COMMD10: variants seen among roughly 807,000 people sequenced by gnomAD.
The protein encoded by COMMD10 is COMM domain containing 10.
Under a neutral mutation model 28.9 loss-of-function variants are expected in COMMD10, and 33 were observed. That is an observed-to-expected ratio of 1.14 (90% CI 0.87 to 1.53). The LOEUF (loss-of-function observed/expected upper bound fraction) is 1.53, where lower values mean the gene tolerates loss of function less well. COMMD10 is among the 40% of genes most tolerant of loss of function. COMMD10 has a pLI of 0.00. For synonymous variants in COMMD10, 110 were observed against 81.7 expected (o/e 1.35, Z -1.87); for missense variants, 310 against 233.4 (o/e 1.33, Z -2.14).
chr5:116,122,579 C>G (rs1382938763), intron 4 of COMMD10, among the ~76,000 whole-genome samples: 1 of 152,112 alleles, frequency 6.6e-6, no homozygotes, highest in African/African-American at 2.4e-5. Flanking sequence ...GGCAGTATGG[C>G]CATTTTCATG....
At chr5:116,195,687 C>T (rs1748497439) in intron 5 of COMMD10, among the ~76,000 whole-genome samples, 2 of 152,076 alleles carry the variant, frequency 1.3e-5, no homozygotes, top group African/African-American at 4.8e-5. Flanking sequence ...AAGCACATCC[C>T]ATGCTCATGA....
chr5:116,089,002 G>A (rs1750212705), intron 2 of COMMD10, among the ~76,000 whole-genome samples: 1 of 152,108 alleles, frequency 6.6e-6, no homozygotes, highest in Non-Finnish European at 1.5e-5. Context: ...TATTTTCCTT[G>A]CTGTGGAAAA....
chr5:116,274,595 C>T lies in COMMD10; in HGVS notation c.511-16922C>T, dbSNP rs959462907. On this transcript the variant is annotated intron_variant, in intron 5 of 6. Coordinates refer to ENST00000274458, the MANE Select transcript of COMMD10 (RefSeq NM_016144.4). ...TGGGCTTGGCTTTTCCCCATCACTG[C>T]ACCAAAATACTTTTGCCAATATCAG... Among the ~76,000 whole-genome samples, 8 of 151,942 alleles carry T rather than the reference C, an allele frequency of 5.3e-5. No individual in the cohort carries two copies. In the East Asian group the frequency reaches 1.2e-3, roughly 22 times the overall value.
chr5:116,211,579 T>G (rs904954410), intron 5 of COMMD10, among the ~76,000 whole-genome samples: 3 of 151,534 alleles, frequency 2.0e-5, no homozygotes, highest in African/African-American at 7.2e-5. Context: ...AGTGCATGAC[T>G]ATATATATAT....
At chr5:116,248,995 T>C (rs886255936) in intron 5 of COMMD10, among the ~76,000 whole-genome samples, 4 of 152,006 alleles carry the variant, frequency 2.6e-5, no homozygotes, top group African/African-American at 9.7e-5. Flanking sequence ...GTGCCCATTA[T>C]TATACTTTTA....
intron 5 of COMMD10, among the ~76,000 whole-genome samples, chr5:116,234,926 T>G (rs1439891224): frequency 1.3e-5 from 2 of 151,892 alleles, no homozygotes; most frequent in Non-Finnish European, 1.5e-5. Context: ...TAGAAAAGAG[T>G]TGGATAAGAG....
At chr5:116,198,869 T>C (rs922954328) in intron 5 of COMMD10, among the ~76,000 whole-genome samples, 6 of 152,160 alleles carry the variant, frequency 3.9e-5, no homozygotes, top group African/African-American at 1.2e-4. Context: ...CTGAAAGACA[T>C]CTTGATTGCT....
Position 116,190,356 on chromosome 5 carries a change from G to A in COMMD10, c.510+56178G>A, listed in dbSNP as rs116704616. On this transcript the variant is annotated intron_variant, in intron 5 of 6. Transcript: ENST00000274458. ...TAATGAATGTACAGAGGAACAGATA[G>A]CAGTGACAGTGTATGTTGTGGAATT... 2.7e-3 allele frequency among the ~76,000 whole-genome samples: 415 copies of A among 152,252 alleles called. 2 individuals carry two copies. The highest frequency in any genetic ancestry group is 9.6e-3 in the African/African-American group (398 of 41,546).
chr5:116,198,417 A>G (rs948228147), intron 5 of COMMD10, among the ~76,000 whole-genome samples: 1 of 152,174 alleles, frequency 6.6e-6, no homozygotes, highest in Non-Finnish European at 1.5e-5. Flanking sequence ...ATAGGAAGGT[A>G]TAGAGATCCC....
intron 4 of COMMD10, among the ~76,000 whole-genome samples, chr5:116,098,494 C>G (rs528501568): frequency 6.6e-6 from 1 of 152,138 alleles, no homozygotes; most frequent in East Asian, 1.9e-4. Context: ...AAAAGTGAAA[C>G]TTGAATTTGC....
intron 5 of COMMD10, among the ~76,000 whole-genome samples, chr5:116,141,447 A>G (rs1414975139): frequency 6.6e-6 from 1 of 151,832 alleles, no homozygotes; most frequent in Non-Finnish European, 1.5e-5. Flanking sequence ...TCTGTGAAAA[A>G]ATGCCATTGG....
At chr5:116,129,854 A>G (rs894018610) in intron 4 of COMMD10, among the ~76,000 whole-genome samples, 1 of 147,454 alleles carries the variant, frequency 6.8e-6, no homozygotes, top group Non-Finnish European at 1.5e-5. Context: ...TATGTAGTAT[A>G]GTATTATATA....
At chr5:116,201,419 C>A (rs1191833839) in intron 5 of COMMD10, among the ~76,000 whole-genome samples, 1 of 152,132 alleles carries the variant, frequency 6.6e-6, no homozygotes, top group Non-Finnish European at 1.5e-5. Context: ...GTTGTCCACA[C>A]TGACTCCAGC....
At position 116,240,177 on chromosome 5, in the gene COMMD10, G is replaced by A. The variant is rs147773142; in HGVS notation, c.511-51340G>A. On this transcript the variant is annotated intron_variant, in intron 5 of 6. Coordinates refer to ENST00000274458, the MANE Select transcript of COMMD10 (RefSeq NM_016144.4). ...AAGTGAATAAGGTACATAAATATAA[G>A]AACATAAGTGTAGACAGGTAGATGA... Among the ~76,000 whole-genome samples, 304 of 152,054 alleles carry A rather than the reference G, an allele frequency of 2.0e-3. 2 individuals carry two copies. The highest frequency in any genetic ancestry group is 7.0e-3 in the African/African-American group (289 of 41,480).
In COMMD10 at chr5:116,133,998, G is replaced by T. The variant is rs1261812993; in HGVS notation, c.400-70G>T. ...TCCATATACATTCCTGCTGAGTGGA[G>T]ATTTGCTTAAAGTTGACTGTTTTCT... On this transcript the variant is annotated intron_variant, in intron 4 of 6. Coordinates refer to ENST00000274458, the MANE Select transcript of COMMD10 (RefSeq NM_016144.4). 6 of 900,360 alleles carry T rather than the reference G, an allele frequency of 6.7e-6. No individual in the cohort carries two copies. In the African/African-American group the frequency reaches 9.6e-5, roughly 14 times the overall value. The allele number at this position is 900,360 out of a possible 1,614,324, so 55.8% of individuals were successfully genotyped here.
At chr5:116,278,489 A>G (rs1351923875) in intron 5 of COMMD10, among the ~76,000 whole-genome samples, 2 of 151,874 alleles carry the variant, frequency 1.3e-5, no homozygotes, top group African/African-American at 4.9e-5. Flanking sequence ...TAGTGATGAT[A>G]TGACTGCCAA....
chr5:116,214,046 A>G (rs986304792), intron 5 of COMMD10, among the ~76,000 whole-genome samples: 6 of 152,242 alleles, frequency 3.9e-5, no homozygotes, highest in Admixed American at 6.5e-5. Flanking sequence ...GTAGTATATT[A>G]TGTAGGGTAG....
intron 5 of COMMD10, among the ~76,000 whole-genome samples, chr5:116,144,464 C>G (rs1052419112): frequency 2.0e-5 from 3 of 151,572 alleles, no homozygotes; most frequent in African/African-American, 4.9e-5. Context: ...AAATTGGATA[C>G]TAGAAAGTGA....
chr5:116,217,390 C>T (rs1416555325), intron 5 of COMMD10, among the ~76,000 whole-genome samples: 3 of 152,198 alleles, frequency 2.0e-5, no homozygotes, highest in Non-Finnish European at 4.4e-5. Context: ...TCATCTGATG[C>T]TCTGAACAGG....
Sources: gnomAD v4.1 joint callset for allele counts (sites outside exome capture counted in the v4.1 genomes callset) on GRCh38, gnomAD v4.1.1 for gene constraint, MANE v1.5 for transcripts, NCBI Gene and HGNC (gene_info 2026-07-23, HGNC 2026-07-21) for gene names.